The following EYA4 variants were observed in gnomAD, a reference collection of about 807,000 sequenced individuals.
EYA4 encodes the protein protein phosphatase EYA4.
A neutral mutation model predicts 87.9 loss-of-function variants in EYA4; 31 were observed. That is an observed-to-expected ratio of 0.35 (90% CI 0.27 to 0.48). EYA4 has a LOEUF of 0.48. EYA4 is among the 20% of genes least tolerant of loss of function. The pLI, the probability that EYA4 is intolerant of heterozygous loss-of-function variation, is 0.99. For missense variants in EYA4, 678 were observed against 761.4 expected, an observed-to-expected ratio of 0.89 and a Z score of 1.29; for synonymous variants, 263 against 270.6, an observed-to-expected ratio of 0.97 and a Z score of 0.28.
chr6:133,319,511 CT>C lies in EYA4; in HGVS notation c.33+44709del, dbSNP rs34103179. 4.0e-3 allele frequency among the ~76,000 whole-genome samples: 583 copies of C among 145,396 alleles called. 2 individuals carry two copies. Among genetic ancestry groups the C allele is most frequent in the African/African-American group, 0.013 (498 of 39,742 alleles). ...TCTCTTTGCTTATTGGATAGTGTCC[CT>C]TTTTTTTTTTACCAGTCTTAATGAT... On this transcript the variant is annotated intron_variant, in intron 2 of 19. Transcript: ENST00000355286.
chr6:133,324,509 A>C (rs1781340112), intron 2 of EYA4, among the ~76,000 whole-genome samples: 1 of 152,120 alleles, frequency 6.6e-6, no homozygotes. Flanking sequence ...AAGTTTTTTT[A>C]TGTATTATGT....
intron 3 of EYA4, 137 bp downstream of exon 3, chr6:133,382,578 A>C: frequency 1.3e-6 from 1 of 774,718 alleles, no homozygotes; most frequent in Non-Finnish European, 2.4e-6. Context: ...GAAACTGTAT[A>C]TCATGCTGGC....
chr6:133,340,130 C>T (rs901079296), intron 2 of EYA4, among the ~76,000 whole-genome samples: 11 of 152,046 alleles, frequency 7.2e-5, no homozygotes, highest in African/African-American at 1.9e-4. Flanking sequence ...GGGGTTAAAA[C>T]GAAATTGTCT....
intron 1 of EYA4, among the ~76,000 whole-genome samples, chr6:133,249,212 G>A (rs574751234): frequency 9.2e-5 from 14 of 152,268 alleles, no homozygotes; most frequent in African/African-American, 3.1e-4. Context: ...AATATTTAGA[G>A]AGAGAATCAT....
rs183757381 is a variant in EYA4 at position 133,439,152 on chromosome 6, A to G, written c.84-7478A>G. ...AGCATTGACTGTAATTAAGTCTGTT[A>G]TCGGGATGTGCTACAGATACTACTT... On this transcript the variant is annotated intron_variant, in intron 3 of 19. Transcript: ENST00000355286. Among the ~76,000 whole-genome samples, 1,069 of 149,994 alleles carry G rather than the reference A, an allele frequency of 7.1e-3. 9 individuals are homozygous for G. The highest frequency in any genetic ancestry group is 0.024 in the African/African-American group (980 of 40,830).
In EYA4 at chr6:133,439,049, CAAAAAAAA is replaced by C. The variant is rs56261819; in HGVS notation, c.84-7561_84-7554del. On this transcript the variant is annotated intron_variant, in intron 3 of 19. Coordinates refer to ENST00000355286, the MANE Select transcript of EYA4 (RefSeq NM_004100.5). ...TGGGTGACAAAGCGAGACTCCGTCTCAAAAAAAAAAAAAAAAAAAAAAAAAAAGTCTTT... is the reference window on the plus strand; with the variant it reads ...TGGGTGACAAAGCGAGACTCCGTCTCAAAAAAAAAAAAAAAAAAAGTCTTT... 1.9e-4 allele frequency among the ~76,000 whole-genome samples: 12 copies of C among 64,032 alleles called. No individual in the cohort carries two copies. In the South Asian group the frequency reaches 3.6e-3, roughly 19 times the overall value. 42.0% of individuals were successfully genotyped at this position (64,032 alleles called of 152,430 possible). A position where few individuals can be genotyped will look rare whatever the true frequency, so the allele number is the denominator to read the frequency against.
chr6:133,418,837 TG>T (rs11361672), intron 3 of EYA4, among the ~76,000 whole-genome samples: 7,718 of 152,232 alleles, frequency 0.051, 571 homozygotes, highest in African/African-American at 0.16. Context: ...GACATATATT[TG>T]AAAAGAGAGA....
chr6:133,499,187 A>T (rs1248240888), intron 13 of EYA4, among the ~76,000 whole-genome samples: 1 of 152,154 alleles, frequency 6.6e-6, no homozygotes, highest in Admixed American at 6.5e-5. Context: ...ACATTAACTT[A>T]CCTTAAGTAT....
intron 3 of EYA4, among the ~76,000 whole-genome samples, chr6:133,429,017 C>T (rs1790944711): frequency 7.0e-6 from 1 of 141,858 alleles, no homozygotes; most frequent in African/African-American, 2.5e-5. Context: ...ACCTCTACCT[C>T]CCAGGTTCAA....
At chr6:133,393,957 C>A (rs1323093598) in intron 3 of EYA4, among the ~76,000 whole-genome samples, 1 of 152,122 alleles carries the variant, frequency 6.6e-6, no homozygotes, top group East Asian at 1.9e-4. Flanking sequence ...ATAGAGATTC[C>A]AAAATTTTGA....
chr6:133,368,306 G>A (rs1411951502), intron 2 of EYA4, among the ~76,000 whole-genome samples: 3 of 152,140 alleles, frequency 2.0e-5, no homozygotes, highest in Admixed American at 6.5e-5. Flanking sequence ...TAAGATTAGG[G>A]AAGAAAATTA....
rs982564578 is a variant in EYA4, at chr6:133,521,185, A to G, written c.1617-1871A>G. 9.7e-3 allele frequency among the ~76,000 whole-genome samples: 1,470 copies of G among 152,104 alleles called. 28 individuals are homozygous for G. The highest frequency in any genetic ancestry group is 0.033 in the African/African-American group (1,385 of 41,504). ...CATCAGAGTGAACAGGCAACTGACA[A>G]AATGGGAGAAAATTTTCGCAACCTA... On this transcript the variant is annotated intron_variant, in intron 17 of 19. Coordinates refer to ENST00000355286, the MANE Select transcript of EYA4 (RefSeq NM_004100.5).
chr6:133,298,135 A>G (rs1316930506), intron 2 of EYA4, among the ~76,000 whole-genome samples: 8 of 151,948 alleles, frequency 5.3e-5, no homozygotes, highest in Admixed American at 2.0e-4. Flanking sequence ...CTTCTTTACT[A>G]TGATAATTAT....
chr6:133,382,219 T>C (rs1379557942), intron 2 of EYA4, among the ~76,000 whole-genome samples, 173 bp from the exon 3 acceptor site: 1 of 152,172 alleles, frequency 6.6e-6, no homozygotes, highest in Non-Finnish European at 1.5e-5. Flanking sequence ...TGGCAGCTGT[T>C]CATGGGATAA....
chr6:133,250,218 T>C (rs369474307), intron 1 of EYA4, among the ~76,000 whole-genome samples: 2 of 152,196 alleles, frequency 1.3e-5, no homozygotes, highest in East Asian at 1.9e-4. Context: ...GAAATGTGTT[T>C]ATTTCTTACC....
chr6:133,504,935 C>T (rs12664235), intron 13 of EYA4, among the ~76,000 whole-genome samples: 4,445 of 152,314 alleles, frequency 0.029, 253 homozygotes, highest in East Asian at 0.18. Context: ...TCCCTGCAGT[C>T]TGGCTCCTGG....
intron 17 of EYA4, among the ~76,000 whole-genome samples, chr6:133,520,348 A>G (rs1203814008): frequency 1.1e-3 from 125 of 117,874 alleles, no homozygotes; most frequent in Non-Finnish European, 1.4e-3. Flanking sequence ...ACAACAGACA[A>G]ACAGAGAGCC....
chr6:133,266,244 TAC>T (rs1307051875), intron 1 of EYA4, among the ~76,000 whole-genome samples: 1 of 152,038 alleles, frequency 6.6e-6, no homozygotes, highest in African/African-American at 2.4e-5. Context: ...TACAGAGACA[TAC>T]ACACACACAA....
chr6:133,474,748 G>A (rs1246982605), intron 11 of EYA4, among the ~76,000 whole-genome samples: 1 of 152,094 alleles, frequency 6.6e-6, no homozygotes, highest in Admixed American at 6.6e-5. Flanking sequence ...TATAACTATG[G>A]AATTTTTCTT....
Sources: allele counts gnomAD v4.1 joint callset (sites outside exome capture counted in the v4.1 genomes callset), GRCh38; gene constraint gnomAD v4.1.1; transcripts MANE v1.5; gene names NCBI Gene and HGNC (gene_info 2026-07-23, HGNC 2026-07-21).